The following PRKCH variants were observed in gnomAD, a reference collection of about 807,000 sequenced individuals.
The protein encoded by PRKCH is protein kinase C eta type.
A neutral mutation model predicts 82.5 loss-of-function variants in PRKCH; 28 were observed. That is an observed-to-expected ratio of 0.34 (90% confidence interval 0.25 to 0.47). The LOEUF (loss-of-function observed/expected upper bound fraction) is 0.47, where lower values mean the gene tolerates loss of function less well. Among genes scored for constraint, PRKCH ranks in the 20% least tolerant of loss-of-function variants. The pLI is 1.00. For missense variants in PRKCH, 705 were observed against 881.8 expected, an observed-to-expected ratio of 0.80 and a Z score of 2.54; for synonymous variants, 322 against 327.4, an observed-to-expected ratio of 0.98 and a Z score of 0.18.
intron 1 of PRKCH, among the ~76,000 whole-genome samples, chr14:61,380,547 G>C (rs534263464): frequency 1.3e-5 from 2 of 152,298 alleles, no homozygotes; most frequent in East Asian, 1.9e-4. Flanking sequence ...GACCTGATGG[G>C]CTGGGCTTGG....
At chr14:61,315,127 C>T (rs1039131354) in intron 1 of PRKCH, among the ~76,000 whole-genome samples, 1 of 152,120 alleles carries the variant, frequency 6.6e-6, no homozygotes, top group East Asian at 1.9e-4. Flanking sequence ...GACAGTATGG[C>T]CCCACTTATT....
In PRKCH at chr14:61,188,574, A is replaced by AGTGTGTGTGT. The variant is rs376746171; in HGVS notation, c.-19+911_-19+920dup. Reference sequence around the variant, plus strand: ...CCTCCTCACCCCCAGACGTTGCTGTAGTGTGTGTGTGTGTCGGGGGGGTGG... The same window carrying AGTGTGTGTGT: ...CCTCCTCACCCCCAGACGTTGCTGTAGTGTGTGTGTGTGTGTGTGTGTGTCGGGGGGGTGG... On this transcript the variant is annotated intron_variant, in intron 1 of 3. Transcript: ENST00000555185. 1.6e-3 allele frequency among the ~76,000 whole-genome samples: 89 copies of AGTGTGTGTGT among 55,944 alleles called. 3 individuals carry two copies. The highest frequency in any genetic ancestry group is 2.0e-3 in the Non-Finnish European group (59 of 28,994). The allele number at this position is 55,944 out of a possible 152,430, so 36.7% of individuals were successfully genotyped here.
chr14:61,320,517 C>G (rs140258066), upstream of PRKCH, among the ~76,000 whole-genome samples: 2 of 152,092 alleles, frequency 1.3e-5, no homozygotes, highest in Non-Finnish European at 2.9e-5. Context: ...GTGAATCGCT[C>G]GAACCTGGGA....
intron 1 of PRKCH, among the ~76,000 whole-genome samples, chr14:61,210,782 C>G (rs1251772112): frequency 0.021 from 1,877 of 87,316 alleles, 42 homozygotes; most frequent in East Asian, 0.16. Flanking sequence ...CTCTCTCTCT[C>G]TCTCTCTCTG....
chr14:61,245,941 A>G (rs2044876154), intron 1 of PRKCH, among the ~76,000 whole-genome samples: 1 of 152,150 alleles, frequency 6.6e-6, no homozygotes, highest in African/African-American at 2.4e-5. Flanking sequence ...GTCATACCCA[A>G]ACATTAGTGG....
chr14:61,293,678 A>AT (rs1367136885), intron 1 of PRKCH, among the ~76,000 whole-genome samples: 4 of 152,084 alleles, frequency 2.6e-5, no homozygotes, highest in South Asian at 2.1e-4. Context: ...ATTTAGCTAG[A>AT]TTTTTTATTG....
intron 1 of PRKCH, among the ~76,000 whole-genome samples, chr14:61,283,792 A>G (rs2045291776): frequency 6.6e-6 from 1 of 152,178 alleles, no homozygotes; most frequent in Non-Finnish European, 1.5e-5. Context: ...TGATTGCGCC[A>G]CTGTACTCCA....
intron 9 of PRKCH, among the ~76,000 whole-genome samples, chr14:61,481,448 A>G (rs1885966144): frequency 6.6e-6 from 1 of 152,214 alleles, no homozygotes; most frequent in Non-Finnish European, 1.5e-5. Context: ...AATGGGCAAC[A>G]AGGATGCAAC....
At chr14:61,216,662 A>G (rs1321013199) in intron 1 of PRKCH, among the ~76,000 whole-genome samples, 2 of 152,092 alleles carry the variant, frequency 1.3e-5, no homozygotes, top group African/African-American at 2.4e-5. Flanking sequence ...CAACCCCTTC[A>G]CAGCTTTCTA....
intron 1 of PRKCH, among the ~76,000 whole-genome samples, chr14:61,342,036 G>A (rs1194227789): frequency 6.6e-6 from 1 of 152,060 alleles, no homozygotes; most frequent in African/African-American, 2.4e-5. Context: ...GAAGATAGTT[G>A]TGACAGTTGA....
At chr14:61,428,613 T>G (rs1883244530) in intron 2 of PRKCH, among the ~76,000 whole-genome samples, 1 of 152,212 alleles carries the variant, frequency 6.6e-6, no homozygotes, top group South Asian at 2.1e-4. Flanking sequence ...CTGTCTTATT[T>G]GAGCCTGGGG....
At chr14:61,197,319 C>T (rs924662398) in intron 1 of PRKCH, among the ~76,000 whole-genome samples, 2 of 152,144 alleles carry the variant, frequency 1.3e-5, no homozygotes, top group Admixed American at 6.5e-5. Flanking sequence ...GTCACCTCTC[C>T]CTACATATAG....
At chr14:61,393,417 TTCTGTAGTCCGTGGACATGGTCTTTGC>T (rs2046717591) in intron 2 of PRKCH, among the ~76,000 whole-genome samples, 1 of 152,178 alleles carries the variant, frequency 6.6e-6, no homozygotes. Context: ...AATTAGTCAA[TTCTGTAGTCCGTGGACATGGTCTTTGC>T]TCGTAAGGCA....
chr14:61,528,960 G>A (rs545402480), intron 10 of PRKCH, 115 bp from the exon 11 acceptor site: 140 of 974,470 alleles, frequency 1.4e-4, no homozygotes, highest in Middle Eastern at 3.5e-4. Flanking sequence ...TCATGCGGCC[G>A]CATGTGGCCG....
At chr14:61,484,499 C>A (rs1207959917) in intron 9 of PRKCH, among the ~76,000 whole-genome samples, 1 of 146,380 alleles carries the variant, frequency 6.8e-6, no homozygotes, top group African/African-American at 2.5e-5. Flanking sequence ...TTAGATAAAT[C>A]TTGGATCACT....
intron 10 of PRKCH, among the ~76,000 whole-genome samples, chr14:61,495,819 C>A (rs1276344500): frequency 1.3e-5 from 2 of 152,074 alleles, no homozygotes; most frequent in Non-Finnish European, 2.9e-5. Context: ...AGAAAGAACA[C>A]AAAAGTAGGA....
chr14:61,411,395 G>C (rs1188003415), intron 2 of PRKCH, among the ~76,000 whole-genome samples: 8 of 152,146 alleles, frequency 5.3e-5, no homozygotes, highest in Admixed American at 2.6e-4. Context: ...TGATGGGATG[G>C]TTCTTGGATT....
intron 1 of PRKCH, among the ~76,000 whole-genome samples, chr14:61,260,392 G>A (rs567017744): frequency 6.6e-6 from 1 of 152,250 alleles, no homozygotes; most frequent in African/African-American, 2.4e-5. Context: ...ATAAATTCTA[G>A]AAGATCATGG....
chr14:61,265,967 C>T (rs983925879), intron 1 of PRKCH, among the ~76,000 whole-genome samples: 9 of 152,090 alleles, frequency 5.9e-5, no homozygotes, highest in African/African-American at 1.7e-4. Flanking sequence ...TGGTGGCATG[C>T]GCCTGTAATC....
Sources: gnomAD v4.1 joint callset for allele counts (sites outside exome capture counted in the v4.1 genomes callset) on GRCh38, gnomAD v4.1.1 for gene constraint, MANE v1.5 for transcripts, NCBI Gene and HGNC (gene_info 2026-07-23, HGNC 2026-07-21) for gene names.